Variants in PLXNB2 observed in about 807,000 individuals in gnomAD.
PLXNB2 encodes plexin B2.
PLXNB2 carries 85 observed loss-of-function variants against 202.6 expected under a neutral mutation model. The observed-to-expected ratio is 0.42, with a 90% CI of 0.35 to 0.50. PLXNB2 has a LOEUF of 0.50. PLXNB2 is among the 20% of genes least tolerant of loss of function. PLXNB2 has a pLI of 0.02. For missense variants in PLXNB2, 2,063 were observed against 2,586.2 expected (o/e 0.80, Z 4.39); for synonymous variants, 1,239 against 1,137.6 (o/e 1.09, Z -1.79).
chr22:50,301,162 G>A (rs1228210714), intron 1 of PLXNB2, among the ~76,000 whole-genome samples: 2 of 152,310 alleles, frequency 1.3e-5, no homozygotes, highest in Middle Eastern at 3.4e-3. Flanking sequence ...TCAGACAGAA[G>A]GTGGGATCCA....
intron 2 of PLXNB2, among the ~76,000 whole-genome samples, chr22:50,293,643 G>A (rs1205173568): frequency 2.0e-5 from 3 of 152,196 alleles, no homozygotes; most frequent in Non-Finnish European, 2.9e-5. Context: ...GCGCGGGGGC[G>A]GGGCCCACGG....
chr22:50,288,760 C>T lies in PLXNB2; in HGVS notation c.1363G>A (p.Ala455Thr), dbSNP rs772909474. Residue 455 changes from alanine to threonine, a missense_variant, in exon 5 of 37, where the codon GCC becomes ACC. Ala to Thr is a moderately conservative substitution (Grantham distance 58, BLOSUM62 0). This residue lies in a region of PLXNB2 where 1,303 missense variants were observed against 1,476.8 expected (regional missense o/e 0.88). Coordinates refer to ENST00000359337, the MANE Select transcript of PLXNB2 (RefSeq NM_012401.4). The surrounding 1 kb of genome is among the most constrained non-coding windows in gnomAD (Gnocchi z 5.0). ...TGGCTCACCTTGTCCTGGGTCATGG[C>T]GTACAGGCTGCCCAGGTCTCCAGAC... ...VLSGDLGSLY[A>T]MTQDKVFRLP... 142 of 1,612,902 alleles carry T rather than the reference C, an allele frequency of 8.8e-5. 1 individual carries two copies. Among genetic ancestry groups the T allele is most frequent in the Admixed American group, 6.8e-4 (41 of 59,994 alleles).
chr22:50,304,324 C>T (rs1444789803), intron 1 of PLXNB2, among the ~76,000 whole-genome samples: 2 of 152,112 alleles, frequency 1.3e-5, no homozygotes, highest in Non-Finnish European at 2.9e-5. Flanking sequence ...TGGGGGGGTG[C>T]GGGGTGCCAG....
rs200623878 is a variant in PLXNB2 at position 50,278,968 on chromosome 22, G to A, written c.4433C>T (p.Pro1478Leu). The A allele has an allele frequency of 4.2e-5, 68 of 1,613,478 alleles. No individual in the cohort carries two copies. The highest frequency in any genetic ancestry group is 4.9e-5 in the Non-Finnish European group (58 of 1,179,824). The change falls in exon 28 of 37, where the codon CCG (proline) becomes CTG (leucine). Residue 1478 changes from proline (P) to leucine (L), a missense_variant. Pro to Leu is a moderately conservative substitution (Grantham distance 98, BLOSUM62 -3). This residue lies in a region of PLXNB2 where 760 missense variants were observed against 1,109.4 expected (regional missense o/e 0.69). Coordinates refer to ENST00000359337, the MANE Select transcript of PLXNB2 (RefSeq NM_012401.4). ...IVQDEGVDAI[P>L]VKVLNCDTIS... ...GGTGTCACAGTTGAGGACCTTCACC[G>A]GGATGGCGTCCACTCCCTCGTCCTG...
At chr22:50,293,755 C>T (rs1293518489) in intron 2 of PLXNB2, among the ~76,000 whole-genome samples, 1 of 152,214 alleles carries the variant, frequency 6.6e-6, no homozygotes, top group Non-Finnish European at 1.5e-5. Flanking sequence ...ACAAGCCACC[C>T]CTCAGCCGTC....
chr22:50,282,409 G>A, intron 18 of PLXNB2, 96 bp from the exon 19 acceptor site: 3 of 1,334,428 alleles, frequency 2.2e-6, no homozygotes, highest in South Asian at 1.4e-5. Flanking sequence ...TGACCACACG[G>A]GGCTTCCAGG....
intron 25 of PLXNB2, 46 bp from the exon 26 acceptor site, chr22:50,280,117 C>A: frequency 6.7e-7 from 1 of 1,482,826 alleles, no homozygotes; most frequent in South Asian, 1.3e-5. Flanking sequence ...CGTAGTATTC[C>A]TGAGGCCCAA....
In PLXNB2 at chr22:50,281,815, C is replaced by G. The variant is rs769119727; in HGVS notation, c.3345+39G>C. 9 of 1,592,158 alleles carry G rather than the reference C, an allele frequency of 5.7e-6. No homozygotes were observed. The Admixed American group carries it at 1.0e-4, about 18-fold the overall frequency. ...GGTGGACCAGCTCTCAGCCCAGACC[C>G]GAGCAGGACCCAGACACCCGGGGCT... On this transcript the variant is annotated intron_variant, in intron 20 of 36. Transcript: ENST00000359337.
chr22:50,290,524 T>A lies in PLXNB2; in HGVS notation c.61A>T (p.Arg21Trp). 1 of 1,612,392 alleles carries A rather than the reference T, an allele frequency of 6.2e-7. No individual in the cohort carries two copies. Among genetic ancestry groups the A allele is most frequent in the Non-Finnish European group, 8.5e-7 (1 of 1,179,938 alleles). Residue 21 changes from arginine (R) to tryptophan (W), a missense_variant, in exon 3 of 37, where the codon AGG (arginine) becomes TGG (tryptophan). Physicochemically the swap from Arg to Trp is moderately radical, Grantham distance 101 (BLOSUM62 -3). This residue lies in a region of PLXNB2 where 1,303 missense variants were observed against 1,476.8 expected (regional missense o/e 0.88). Transcript: ENST00000359337. ...CGGAAGAAGTCCAGCTTGCGGGGCC[T>A]CAGGCTGGCACCTGCGCCCAGCAGG... ...LGLLGAGASL[R>W]PRKLDFFRSE...
At chr22:50,296,239 G>T (rs1172031483) in intron 1 of PLXNB2, among the ~76,000 whole-genome samples, 1 of 97,758 alleles carries the variant, frequency 1.0e-5, no homozygotes, top group Non-Finnish European at 2.2e-5. Context: ...CAATAAAAAA[G>T]TTCAAGGAAC....
At chr22:50,293,075 C>T (rs2067001784) in intron 2 of PLXNB2, among the ~76,000 whole-genome samples, 1 of 152,170 alleles carries the variant, frequency 6.6e-6, no homozygotes, top group African/African-American at 2.4e-5. Context: ...GCCATGGGAC[C>T]CCAGGCTTCA....
rs1196045599 is a variant in PLXNB2, at chr22:50,284,954, C to T, written c.2089-289G>A. The T allele has an allele frequency of 1.8e-6, 1 of 547,954 alleles. No homozygotes were observed. The highest frequency in any genetic ancestry group is 3.6e-6 in the Non-Finnish European group (1 of 278,936). 33.9% of individuals were successfully genotyped at this position (547,954 alleles called of 1,614,324 possible). ...GGCCCACCTGACATCGTGGCCCCCA[C>T]AGCTCCCTCCTCAGGAGGTGGCACT... On this transcript the variant is annotated intron_variant, in intron 11 of 36. Transcript: ENST00000359337. The surrounding 1 kb of genome is among the most constrained non-coding windows in gnomAD (Gnocchi z 8.0).
chr22:50,285,046 A>G, intron 11 of PLXNB2: 1 of 396,532 alleles, frequency 2.5e-6, no homozygotes, highest in South Asian at 1.9e-5. Context: ...AAGGCCCCCG[A>G]GTGCTGCCTC....
rs558297353 is a variant in PLXNB2 at position 50,291,263 on chromosome 22, C to G, written c.-13-666G>C. On this transcript the variant is annotated intron_variant, in intron 2 of 36. Transcript: ENST00000359337. This position sits in a 1 kb window ranked among gnomAD's most constrained non-coding sequence, Gnocchi z 4.3. ...ATCACCCACAGCTCCTCGCTCGGCCCATGTCACGCCCAGGGCACAGCCTCT... is the reference window on the plus strand; with the variant it reads ...ATCACCCACAGCTCCTCGCTCGGCCGATGTCACGCCCAGGGCACAGCCTCT... Among the ~76,000 whole-genome samples, 5 of 152,346 alleles carry G rather than the reference C, an allele frequency of 3.3e-5. No homozygotes were observed. Among genetic ancestry groups the G allele is most frequent in the African/African-American group, 1.2e-4 (5 of 41,580 alleles).
At chr22:50,280,451 C>T in intron 25 of PLXNB2, 38 bp downstream of exon 25, 1 of 1,559,520 alleles carries the variant, frequency 6.4e-7, no homozygotes, top group Non-Finnish European at 8.7e-7. Flanking sequence ...TGCGGCCGCC[C>T]CGCCCGTGGC....
Position 50,283,738 on chromosome 22 carries a change from T to C in PLXNB2, c.2434A>G (p.Thr812Ala), listed in dbSNP as rs28470336. The C allele has an allele frequency of 0.05, 80,091 of 1,612,682 alleles. 2,301 individuals carry two copies. Among genetic ancestry groups the C allele is most frequent in the Non-Finnish European group, 0.057 (67,240 of 1,179,776 alleles). The change falls in exon 15 of 37, where the codon ACG becomes GCG. Residue 812 changes from threonine to alanine, a missense_variant. Thr to Ala is a moderately conservative substitution (Grantham distance 58). Coordinates refer to ENST00000359337, the MANE Select transcript of PLXNB2 (RefSeq NM_012401.4). ...CGGATGCCCCCACCCAGGGGGCCCGTCTCAGGCTGGATCTGAAACCACAGA... is the reference window on the plus strand; with the variant it reads ...CGGATGCCCCCACCCAGGGGGCCCGCCTCAGGCTGGATCTGAAACCACAGA... ...PPVITRIQPE[T>A]GPLGGGIRIT...
rs1187393955 is a variant in PLXNB2, at chr22:50,283,616, G to A, written c.2556C>T (p.Tyr852=). ...GRNCSFQPER[Y]SVSTRIVCVI... ...CGTCCACTCACCGGGTGGACACGGA[G>A]TAACGTTCCGGCTGAAAGGAGCAGT... The change falls in exon 15 of 37, where the codon TAC becomes TAT. Residue 852 remains tyrosine, a synonymous_variant. Coordinates refer to ENST00000359337, the MANE Select transcript of PLXNB2 (RefSeq NM_012401.4). 7 of 1,612,876 alleles carry A rather than the reference G, an allele frequency of 4.3e-6. No homozygotes were observed. Among genetic ancestry groups the A allele is most frequent in the South Asian group, 1.1e-5 (1 of 91,046 alleles).
At position 50,288,702 on chromosome 22, in the gene PLXNB2, C is replaced by A. The variant is rs768192501; in HGVS notation, c.1380+41G>T. On this transcript the variant is annotated intron_variant, in intron 5 of 36. Transcript: ENST00000359337. The surrounding 1 kb of genome is among the most constrained non-coding windows in gnomAD (Gnocchi z 5.0). ...GGGCCTGGGATGCAATGACCGGGCA[C>A]ACTTGGCCTAGAGTGCTCTCCGGGG... 1.2e-6 allele frequency: 2 copies of A among 1,608,516 alleles called. No homozygotes were observed. Among genetic ancestry groups the A allele is most frequent in the Non-Finnish European group, 1.7e-6 (2 of 1,177,794 alleles).
chr22:50,282,215 G>A lies in PLXNB2; in HGVS notation c.3086C>T (p.Pro1029Leu), dbSNP rs771965276. The change falls in exon 19 of 37, where the codon CCG (proline) becomes CTG (leucine). Residue 1029 changes from proline (P) to leucine (L), a missense_variant. By Grantham distance (98) the Pro-to-Leu change is moderately conservative. Coordinates refer to ENST00000359337, the MANE Select transcript of PLXNB2 (RefSeq NM_012401.4). ...IAEPLQSWQPPREAESLQPMT... is the reference protein window; with the variant it reads ...IAEPLQSWQPLREAESLQPMT... ...GGGCTGCAGGGATTCAGCCTCCCGCGGCGGCTGCCAGGACTGCAGGGGCTC... is the reference window on the plus strand; with the variant it reads ...GGGCTGCAGGGATTCAGCCTCCCGCAGCGGCTGCCAGGACTGCAGGGGCTC... The A allele has an allele frequency of 6.8e-6, 11 of 1,611,594 alleles. No individual in the cohort carries two copies. The highest frequency in any genetic ancestry group is 4.0e-5 in the African/African-American group (3 of 74,898).
Sources: allele counts gnomAD v4.1 joint callset (sites outside exome capture counted in the v4.1 genomes callset), GRCh38; gene constraint gnomAD v4.1.1; regional missense constraint gnomAD v4.1.1; non-coding constraint Gnocchi (gnomAD v3.1); transcripts MANE v1.5; gene names NCBI Gene and HGNC (gene_info 2026-07-23, HGNC 2026-07-21).